GRM7: variants seen among roughly 807,000 people sequenced by gnomAD.
GRM7 encodes the protein glutamate metabotropic receptor 7.
GRM7 carries 35 observed loss-of-function variants against 84.5 expected under a neutral mutation model. The ratio of observed to expected loss-of-function variants is 0.41; its 90% CI spans 0.32 to 0.55. The LOEUF is 0.55. GRM7 is among the 20% of genes least tolerant of loss of function. The probability of loss-of-function intolerance (pLI) is 0.19; values close to 1 mark genes in which losing one functional copy is unlikely to be tolerated. For synonymous variants in GRM7, 487 were observed against 455.1 expected (o/e 1.07, Z -0.89); for missense variants, 1,003 against 1,194.6 (o/e 0.84, Z 2.36).
chr3:7,556,504 C>T (rs1304218504), intron 7 of GRM7, among the ~76,000 whole-genome samples: 1 of 152,096 alleles, frequency 6.6e-6, no homozygotes, highest in African/African-American at 2.4e-5. Flanking sequence ...TATGAGGGGT[C>T]ATTACTACCC....
intron 7 of GRM7, among the ~76,000 whole-genome samples, chr3:7,518,773 T>C (rs1700485317): frequency 6.6e-6 from 1 of 152,214 alleles, no homozygotes. Flanking sequence ...GGAAAATAAA[T>C]TTCATGTAAT....
chr3:7,731,095 T>TA (rs1284716968), intron 9 of GRM7, among the ~76,000 whole-genome samples: 1 of 151,734 alleles, frequency 6.6e-6, no homozygotes, highest in Non-Finnish European at 1.5e-5. Context: ...TTTTTTTTTT[T>TA]AAGAGACACT....
intron 9 of GRM7, among the ~76,000 whole-genome samples, chr3:7,734,848 G>A (rs1272047052): frequency 1.3e-5 from 2 of 152,076 alleles, no homozygotes; most frequent in East Asian, 1.9e-4. Flanking sequence ...ATTTAAAAAA[G>A]GATTTAAGAG....
At chr3:7,442,437 G>T (rs1034371268) in intron 5 of GRM7, among the ~76,000 whole-genome samples, 24 of 152,254 alleles carry the variant, frequency 1.6e-4, no homozygotes, top group African/African-American at 5.5e-4. Context: ...TTCCTATTTA[G>T]ATGCCTTTTG....
At chr3:7,708,640 G>A (rs1206793542) in intron 9 of GRM7, among the ~76,000 whole-genome samples, 1 of 152,104 alleles carries the variant, frequency 6.6e-6, no homozygotes, top group African/African-American at 2.4e-5. Flanking sequence ...AAGAGCAAAG[G>A]AGTTTTCCAG....
intron 8 of GRM7, among the ~76,000 whole-genome samples, chr3:7,603,427 A>G (rs1177952026): frequency 1.3e-5 from 2 of 152,124 alleles, no homozygotes; most frequent in African/African-American, 4.8e-5. Flanking sequence ...TTTTATGACA[A>G]GTCACAGAGA....
At chr3:7,048,674 T>C (rs1419894015) in intron 1 of GRM7, among the ~76,000 whole-genome samples, 1 of 151,970 alleles carries the variant, frequency 6.6e-6, no homozygotes, top group Non-Finnish European at 1.5e-5. Flanking sequence ...ATATGCATTG[T>C]GGAATGGTTA....
chr3:7,104,007 G>T (rs1699213546), intron 1 of GRM7, among the ~76,000 whole-genome samples: 1 of 151,508 alleles, frequency 6.6e-6, no homozygotes, highest in Admixed American at 6.6e-5. Context: ...AAATTTATAT[G>T]TTGAAGCCCT....
intron 7 of GRM7, among the ~76,000 whole-genome samples, chr3:7,573,529 G>C (rs901251451): frequency 6.6e-6 from 1 of 152,088 alleles, no homozygotes; most frequent in African/African-American, 2.4e-5. Flanking sequence ...CTATCTCTTT[G>C]GTTTTTGTGT....
At chr3:6,884,825 C>G (rs1246831164) in intron 1 of GRM7, among the ~76,000 whole-genome samples, 1 of 152,132 alleles carries the variant, frequency 6.6e-6, no homozygotes, top group African/African-American at 2.4e-5. Context: ...GTCTCAAACT[C>G]CTGACCTCGT....
chr3:6,985,465 T>C (rs1182825243), intron 1 of GRM7, among the ~76,000 whole-genome samples: 1 of 152,242 alleles, frequency 6.6e-6, no homozygotes, highest in Non-Finnish European at 1.5e-5. Context: ...TGTTTGTCTG[T>C]CTGTGCCATT....
intron 2 of GRM7, among the ~76,000 whole-genome samples, chr3:7,201,508 AG>A (rs1410807782): frequency 6.6e-6 from 1 of 152,324 alleles, no homozygotes; most frequent in East Asian, 1.9e-4. Context: ...CATCCTCTAT[AG>A]AGGCCACAAG....
chr3:7,596,865 G>A (rs890781623), intron 8 of GRM7, among the ~76,000 whole-genome samples: 7 of 152,138 alleles, frequency 4.6e-5, no homozygotes, highest in Non-Finnish European at 8.8e-5. Flanking sequence ...TAGGTGGAGA[G>A]GGTTATAGGA....
chr3:7,175,965 G>T (rs1216526751), intron 2 of GRM7, among the ~76,000 whole-genome samples: 2 of 152,098 alleles, frequency 1.3e-5, no homozygotes, highest in Non-Finnish European at 2.9e-5. Flanking sequence ...CTATCTGTGT[G>T]TAGGTGGGTA....
At chr3:7,321,221 T>G (rs2125053327) in intron 4 of GRM7, among the ~76,000 whole-genome samples, 1 of 152,170 alleles carries the variant, frequency 6.6e-6, no homozygotes, top group Non-Finnish European at 1.5e-5. Flanking sequence ...TGTTCTGACT[T>G]GTCACACAAA....
chr3:6,940,396 T>A (rs1052741173), intron 1 of GRM7, among the ~76,000 whole-genome samples: 8 of 152,176 alleles, frequency 5.3e-5, no homozygotes, highest in African/African-American at 1.9e-4. Context: ...GGCCCGTTTT[T>A]AATTTAAGTG....
chr3:7,216,844 T>C (rs1696630714), intron 2 of GRM7, among the ~76,000 whole-genome samples: 1 of 152,214 alleles, frequency 6.6e-6, no homozygotes, highest in Non-Finnish European at 1.5e-5. Flanking sequence ...ATGGATGGTG[T>C]TGGATATACA....
intron 2 of GRM7, among the ~76,000 whole-genome samples, chr3:7,204,898 C>T (rs1327250082): frequency 6.6e-6 from 1 of 152,202 alleles, no homozygotes; most frequent in Non-Finnish European, 1.5e-5. Flanking sequence ...GATTTCTGAG[C>T]TGTTTTTCAT....
intron 4 of GRM7, among the ~76,000 whole-genome samples, chr3:7,356,034 T>C (rs1693382648): frequency 6.6e-6 from 1 of 152,086 alleles, no homozygotes; most frequent in Non-Finnish European, 1.5e-5. Flanking sequence ...GTCTTCCCCA[T>C]AGGCAGAACT....
Sources: allele counts gnomAD v4.1 joint callset (sites outside exome capture counted in the v4.1 genomes callset), GRCh38; gene constraint gnomAD v4.1.1; transcripts MANE v1.5; gene names NCBI Gene and HGNC (gene_info 2026-07-23, HGNC 2026-07-21).